PATJ: variants seen among roughly 807,000 people sequenced by gnomAD.
The protein encoded by PATJ is PATJ crumbs cell polarity complex component, also known as inaD-like protein.
A neutral mutation model predicts 224.9 loss-of-function variants in PATJ; 190 were observed. The observed-to-expected ratio is 0.84, with a 90% CI of 0.75 to 0.95. The LOEUF (loss-of-function observed/expected upper bound fraction) is 0.95, where lower values mean the gene tolerates loss of function less well. Ranked by LOEUF, PATJ falls within the 40% of genes least tolerant of loss-of-function variation. The probability of loss-of-function intolerance (pLI) is 0.00; values close to 1 mark genes in which losing one functional copy is unlikely to be tolerated. For synonymous variants in PATJ, 769 were observed against 820.3 expected (o/e 0.94, Z 1.07); for missense variants, 2,121 against 2,270.3 (o/e 0.93, Z 1.34).
At chr1:61,973,308 T>C (rs1557970244) in intron 27 of PATJ, among the ~76,000 whole-genome samples, 1 of 152,002 alleles carries the variant, frequency 6.6e-6, no homozygotes, top group African/African-American at 2.4e-5. Context: ...GGAATTCTGC[T>C]TCTTCCCTGA....
At chr1:62,006,342 C>T (rs1048173777) in intron 28 of PATJ, among the ~76,000 whole-genome samples, 16 of 152,314 alleles carry the variant, frequency 1.1e-4, no homozygotes, top group Admixed American at 9.2e-4. Flanking sequence ...TCTCGAACTC[C>T]TGAGCTCAGG....
chr1:62,116,534 A>T lies in PATJ; in HGVS notation c.4658A>T (p.Asn1553Ile), dbSNP rs549804655. The T allele has an allele frequency of 6.2e-7, 1 of 1,613,966 alleles. No homozygotes were observed. The change falls in exon 36 of 44, where the codon AAT becomes ATT. Residue 1553 changes from asparagine to isoleucine, a missense_variant and splice_region_variant. Coordinates refer to ENST00000642238, the MANE Select transcript of PATJ (RefSeq NM_001350145.3). ...GCACTGCTGTATGGTATTAACAGAA[A>T]TGGAAGCGGAGTGTTTATTTCTGAC... ...GLGLSIVGKR[N>I]GSGVFISDIV...
chr1:61,907,849 T>G (rs1672067356), intron 24 of PATJ, among the ~76,000 whole-genome samples: 1 of 152,262 alleles, frequency 6.6e-6, no homozygotes, highest in Non-Finnish European at 1.5e-5. Context: ...TACTCAAATT[T>G]ATTGAACACA....
chr1:61,948,954 T>C (rs1397197210), intron 27 of PATJ, among the ~76,000 whole-genome samples: 2 of 151,636 alleles, frequency 1.3e-5, no homozygotes, highest in Non-Finnish European at 2.9e-5. Context: ...CTCAGCAAAC[T>C]ATCACAAGGA....
chr1:61,901,246 G>C, intron 23 of PATJ, 36 bp from the exon 24 acceptor site: 2 of 1,382,464 alleles, frequency 1.4e-6, no homozygotes, highest in Non-Finnish European at 1.9e-6. Flanking sequence ...GATTAAACTT[G>C]TTGATGAGTG....
Position 62,062,392 on chromosome 1 carries a change from CTTTTTTTTTTTTTTTTTT to C in PATJ, c.4125+11344_4125+11361del, listed in dbSNP as rs60747316. 4.9e-4 allele frequency among the ~76,000 whole-genome samples: 14 copies of C among 28,480 alleles called. 1 individual carries two copies. Among genetic ancestry groups the C allele is most frequent in the African/African-American group, 2.2e-3 (14 of 6,296 alleles). The allele number at this position is 28,480 out of a possible 152,430, so 18.7% of individuals were successfully genotyped here. ...TGGTTGGCTGCTTCTATGTTGTCTT[CTTTTTTTTTTTTTTTTTT>C]TTTTTTTTTCCTTTTTTGACAGGAT... On this transcript the variant is annotated intron_variant, in intron 31 of 43. Transcript: ENST00000642238.
intron 25 of PATJ, among the ~76,000 whole-genome samples, chr1:61,910,435 C>A (rs1454322332): frequency 6.6e-6 from 1 of 151,500 alleles, no homozygotes; most frequent in Non-Finnish European, 1.5e-5. Flanking sequence ...GGCATTGAAC[C>A]ATCTGTGGTT....
intron 11 of PATJ, among the ~76,000 whole-genome samples, chr1:61,798,331 C>T (rs113509113): frequency 0.013 from 2,014 of 151,976 alleles, 40 homozygotes; most frequent in African/African-American, 0.045. Flanking sequence ...GTAGCTGGGA[C>T]CACGGGTGAG....
intron 28 of PATJ, among the ~76,000 whole-genome samples, chr1:61,999,379 A>T (rs1260857379): frequency 6.6e-6 from 1 of 152,094 alleles, no homozygotes; most frequent in South Asian, 2.1e-4. Flanking sequence ...ATTTTACTTT[A>T]TTTGTATATT....
At chr1:62,153,302 T>C in intron 42 of PATJ, 56 bp from the exon 43 acceptor site, 1 of 1,192,872 alleles carries the variant, frequency 8.4e-7, no homozygotes, top group Non-Finnish European at 1.0e-6. Context: ...TCCAATTAAA[T>C]GAAATTCCCT....
rs377104531 is a variant in PATJ, at chr1:62,160,936, A to T, written c.5531A>T (p.Lys1844Ile). Residue 1844 changes from lysine (K) to isoleucine (I), a missense_variant, in exon 44 of 44, where the codon AAA becomes ATA. Coordinates refer to ENST00000642238, the MANE Select transcript of PATJ (RefSeq NM_001350145.3). ...KGAAADDGRL[K>I]RGDQILAVNG... ...GCAGCTGCAGATGACGGCCGATTAA[A>T]ACGAGGGGATCAGATTTTAGCTGTT... is the stretch of plus-strand genomic sequence containing the variant. The T allele has an allele frequency of 9.3e-6, 15 of 1,613,950 alleles. No individual in the cohort carries two copies. Among genetic ancestry groups the T allele is most frequent in the Non-Finnish European group, 3.4e-6 (4 of 1,180,012 alleles).
chr1:61,911,696 T>TATAC (rs1491372539), intron 25 of PATJ, among the ~76,000 whole-genome samples: 1 of 71,376 alleles, frequency 1.4e-5, no homozygotes, highest in African/African-American at 3.3e-4. Context: ...TATATATTTT[T>TATAC]ATATATATAT....
chr1:61,960,466 A>C (rs929490201), intron 27 of PATJ, among the ~76,000 whole-genome samples: 4 of 152,116 alleles, frequency 2.6e-5, no homozygotes, highest in Non-Finnish European at 5.9e-5. Flanking sequence ...GTTCGAGACC[A>C]GCCTGGCCAA....
At chr1:61,752,522 C>T (rs1470219106) in intron 1 of PATJ, among the ~76,000 whole-genome samples, 1 of 152,048 alleles carries the variant, frequency 6.6e-6, no homozygotes, top group East Asian at 1.9e-4. Context: ...CCACGTTGGC[C>T]AGGCTGGTCT....
chr1:61,850,605 GTCT>G (rs1265127682), intron 17 of PATJ, among the ~76,000 whole-genome samples: 4 of 152,194 alleles, frequency 2.6e-5, no homozygotes, highest in Non-Finnish European at 4.4e-5. Context: ...TAACATATTT[GTCT>G]TCTTTCAACA....
chr1:61,809,237 C>T (rs1654196762), intron 14 of PATJ, among the ~76,000 whole-genome samples: 1 of 152,122 alleles, frequency 6.6e-6, no homozygotes, highest in Non-Finnish European at 1.5e-5. Context: ...CTTAGAGAAG[C>T]CTTGTAGGCG....
intron 13 of PATJ, 99 bp downstream of exon 13, chr1:61,805,623 G>A (rs1476954283): frequency 1.4e-6 from 1 of 710,904 alleles, no homozygotes; most frequent in Non-Finnish European, 2.4e-6. Context: ...AGAATAGCCC[G>A]CCTGACTTTA....
intron 31 of PATJ, among the ~76,000 whole-genome samples, chr1:62,051,444 G>A (rs199539337): frequency 1.9e-4 from 29 of 151,920 alleles, no homozygotes; most frequent in African/African-American, 6.0e-4. Context: ...CTTTTGCCTC[G>A]GCCTCCAGAG....
At chr1:61,800,574 T>G (rs941821188) in intron 11 of PATJ, among the ~76,000 whole-genome samples, 6 of 152,216 alleles carry the variant, frequency 3.9e-5, no homozygotes, top group African/African-American at 1.4e-4. Flanking sequence ...GCAGAAGCTT[T>G]TCTTTTTTTA....
Sources: gnomAD v4.1 joint callset for allele counts (sites outside exome capture counted in the v4.1 genomes callset) on GRCh38, gnomAD v4.1.1 for gene constraint, MANE v1.5 for transcripts, NCBI Gene and HGNC (gene_info 2026-07-23, HGNC 2026-07-21) for gene names.